PRRG4: variants seen among roughly 807,000 people sequenced by gnomAD.
PRRG4 encodes the protein proline rich and Gla domain 4.
PRRG4 carries 12 observed loss-of-function variants against 20.0 expected under a neutral mutation model. The observed-to-expected ratio is 0.60, with a 90% confidence interval of 0.38 to 0.97. The LOEUF (loss-of-function observed/expected upper bound fraction) is 0.97. PRRG4 is among the 50% of genes least tolerant of loss of function. The pLI is 0.00. For synonymous variants in PRRG4, 94 were observed against 96.4 expected (o/e 0.98, Z 0.15); for missense variants, 199 against 265.1 (o/e 0.75, Z 1.73).
At chr11:32,839,824 T>C (rs565606189) in intron 4 of PRRG4, among the ~76,000 whole-genome samples, 1 of 146,732 alleles carries the variant, frequency 6.8e-6, no homozygotes, top group African/African-American at 2.5e-5. Flanking sequence ...TTAAATATTA[T>C]TAAAATATAA....
intron 2 of PRRG4, among the ~76,000 whole-genome samples, chr11:32,834,362 AAATCTAC>A (rs1272056062): frequency 2.0e-5 from 3 of 152,182 alleles, no homozygotes; most frequent in Non-Finnish European, 4.4e-5. Context: ...TGGTAATATA[AAATCTAC>A]AAGAAGACAA....
Position 32,830,061 on chromosome 11 carries a change from G to C in PRRG4, c.-135G>C. ...CAGACCCTGCGGAGAGCGAGGCCCG[G>C]AGCGTCGCCGAGGTTTGAGGGCGCC... On this transcript the variant is annotated 5_prime_UTR_variant, in exon 1 of 6. Transcript: ENST00000257836. 1.0e-6 allele frequency: 1 copy of C among 987,968 alleles called. No individual in the cohort carries two copies. The highest frequency in any genetic ancestry group is 1.2e-6 in the Non-Finnish European group (1 of 831,748). The allele number at this position is 987,968 out of a possible 1,614,324, so 61.2% of individuals were successfully genotyped here.
At chr11:32,837,519 TGATGATGATGATG>T (rs1851031783) in intron 3 of PRRG4, among the ~76,000 whole-genome samples, 8 of 105,636 alleles carry the variant, frequency 7.6e-5, no homozygotes, top group African/African-American at 3.0e-4. Flanking sequence ...ATGATGATGA[TGATGATGATGATG>T]ATGATGATGA....
At position 32,834,462 on chromosome 11, in the gene PRRG4, A is replaced by G. The variant is rs377363678; in HGVS notation, c.104-2196A>G. 2.6e-5 allele frequency among the ~76,000 whole-genome samples: 4 copies of G among 152,274 alleles called. No homozygotes were observed. The East Asian group carries it at 7.7e-4, about 29-fold the overall frequency. On this transcript the variant is annotated intron_variant, in intron 2 of 5. Transcript: ENST00000257836. ...ATACTTTTTAAAACAACTATCACCA[A>G]TTATCCCATTGTAGCTTCCTGCTTG...
upstream of PRRG4, chr11:32,829,823 C>T: frequency 7.1e-6 from 7 of 985,418 alleles, no homozygotes; most frequent in Non-Finnish European, 8.4e-6. Flanking sequence ...AGCGCGGGCT[C>T]CCGGGAGACG....
rs1851221119 is a variant in PRRG4 at position 32,855,357 on chromosome 11, A to C, written c.*1830A>C. 1 of 144,206 alleles carries C rather than the reference A, an allele frequency of 6.9e-6. No individual in the cohort carries two copies. The highest frequency in any genetic ancestry group is 1.5e-5 in the Non-Finnish European group (1 of 66,634). The allele number at this position is 144,206 out of a possible 1,614,324, so 8.9% of individuals were successfully genotyped here. A position where few individuals can be genotyped will look rare whatever the true frequency, so the allele number is the denominator to read the frequency against. ...GAAATAACATACTCCTGAAAAATAG[A>C]ATAGAAATTTCTGTGCTTTATGTTT... is the stretch of plus-strand genomic sequence containing the variant. On this transcript the variant is annotated 3_prime_UTR_variant, in exon 6 of 6. Coordinates refer to ENST00000257836, the MANE Select transcript of PRRG4 (RefSeq NM_024081.6).
Position 32,856,762 on chromosome 11 carries a change from C to G in PRRG4, c.*3235C>G. On this transcript the variant is annotated 3_prime_UTR_variant, in exon 6 of 6. Transcript: ENST00000257836. ...CATACCTTTGGTAGGACAGACAATT[C>G]CATATAGAATATTCTCTTTTGATAA... 1 of 152,076 alleles carries G rather than the reference C, an allele frequency of 6.6e-6. No individual in the cohort carries two copies. Among genetic ancestry groups the G allele is most frequent in the East Asian group, 1.9e-4 (1 of 5,198 alleles). 9.4% of individuals were successfully genotyped at this position (152,076 alleles called of 1,614,324 possible).
chr11:32,845,801 C>T (rs1851124668), intron 5 of PRRG4, among the ~76,000 whole-genome samples: 1 of 151,968 alleles, frequency 6.6e-6, no homozygotes, highest in East Asian at 1.9e-4. Flanking sequence ...ACAGGTACTA[C>T]CAAGGCTCAT....
At position 32,832,669 on chromosome 11, in the gene PRRG4, G is replaced by C. The variant is rs919205966; in HGVS notation, c.103+2037G>C. Among the ~76,000 whole-genome samples, 3 of 152,004 alleles carry C rather than the reference G, an allele frequency of 2.0e-5. No homozygotes were observed. The East Asian group carries it at 5.8e-4, about 29-fold the overall frequency. On this transcript the variant is annotated intron_variant, in intron 2 of 5. Transcript: ENST00000257836. ...TAATTTATTTTGTATTTTTAGTAGA[G>C]ACGGGGTTTCACCATGTTAGCCAGG... is the stretch of plus-strand genomic sequence containing the variant.
chr11:32,839,812 T>G (rs1291188888), intron 4 of PRRG4, among the ~76,000 whole-genome samples: 1 of 146,718 alleles, frequency 6.8e-6, no homozygotes, highest in Non-Finnish European at 1.5e-5. Context: ...AAATAGTATA[T>G]TTTAAATATT....
In PRRG4 at chr11:32,840,329, TTAAA is replaced by T; in HGVS notation, c.449+94_449+97del. 2.1e-6 allele frequency: 2 copies of T among 966,230 alleles called. No individual in the cohort carries two copies. Among genetic ancestry groups the T allele is most frequent in the Admixed American group, 2.3e-5 (1 of 44,336 alleles). The allele number at this position is 966,230 out of a possible 1,614,324, so 59.9% of individuals were successfully genotyped here. The stretch of plus-strand genomic sequence containing the variant: ...GTCAAGCAAATGGCTGCCTATTTTC[TTAAA>T]TAAGCCTTTTATTTTGGAAGAATTT... On this transcript the variant is annotated intron_variant, in intron 5 of 5. Transcript: ENST00000257836. This position sits in a 1 kb window ranked among gnomAD's most constrained non-coding sequence, Gnocchi z 4.1.
At chr11:32,833,515 C>G (rs528873504) in intron 2 of PRRG4, among the ~76,000 whole-genome samples, 169 of 152,254 alleles carry the variant, frequency 1.1e-3, no homozygotes, top group Admixed American at 2.2e-3. Flanking sequence ...TATACAGAGG[C>G]AGATATCTAA....
At chr11:32,829,874 C>A, upstream of PRRG4, 3 of 985,558 alleles carry the variant, frequency 3.0e-6, no homozygotes, top group Non-Finnish European at 3.6e-6. Flanking sequence ...TAGGCCCGGC[C>A]CCCGGGAGGT....
intron 5 of PRRG4, among the ~76,000 whole-genome samples, chr11:32,850,507 C>T (rs1468792124): frequency 6.6e-6 from 1 of 152,152 alleles, no homozygotes; most frequent in African/African-American, 2.4e-5. Flanking sequence ...ATCTTTATAT[C>T]CATTGTCTCA....
At position 32,855,733 on chromosome 11, in the gene PRRG4, C is replaced by G. The variant is rs560514828; in HGVS notation, c.*2206C>G. On this transcript the variant is annotated 3_prime_UTR_variant, in exon 6 of 6. Transcript: ENST00000257836. ...CTAACTTGCTTTTAAAAGTTACCCA[C>G]GTTGCATATAAAAATCTTGCTATTC... The G allele has an allele frequency of 6.6e-6, 1 of 152,324 alleles. No homozygotes were observed. The highest frequency in any genetic ancestry group is 1.5e-5 in the Non-Finnish European group (1 of 68,028). The allele number at this position is 152,324 out of a possible 1,614,324, so 9.4% of individuals were successfully genotyped here. A position where few individuals can be genotyped will look rare whatever the true frequency, so the allele number is the denominator to read the frequency against.
intron 4 of PRRG4, among the ~76,000 whole-genome samples, 189 bp downstream of exon 4, chr11:32,839,119 A>G (rs1371462760): frequency 3.9e-5 from 6 of 152,218 alleles, no homozygotes; most frequent in Non-Finnish European, 2.9e-5. Context: ...TACACTGAAA[A>G]TCAAGTTTGG....
At chr11:32,850,393 G>A (rs61889500) in intron 5 of PRRG4, among the ~76,000 whole-genome samples, 15,650 of 152,124 alleles carry the variant, frequency 0.1, 854 homozygotes, top group Non-Finnish European at 0.13. Context: ...CATGTCTTCC[G>A]GGTGTGTTAT....
At chr11:32,844,096 C>A (rs1851104846) in intron 5 of PRRG4, among the ~76,000 whole-genome samples, 1 of 152,180 alleles carries the variant, frequency 6.6e-6, no homozygotes, top group Admixed American at 6.5e-5. Context: ...TTCTCCCTAT[C>A]CTAGAAATAG....
chr11:32,840,316 G>A lies in PRRG4; in HGVS notation c.449+77G>A. The A allele has an allele frequency of 4.6e-6, 5 of 1,097,782 alleles. No individual in the cohort carries two copies. The highest frequency in any genetic ancestry group is 6.6e-6 in the Non-Finnish European group (5 of 757,528). 68.0% of individuals were successfully genotyped at this position (1,097,782 alleles called of 1,614,324 possible). A position where few individuals can be genotyped will look rare whatever the true frequency, so the allele number is the denominator to read the frequency against. The stretch of plus-strand genomic sequence containing the variant: ...ATTTTAACAATGGGTCAAGCAAATG[G>A]CTGCCTATTTTCTTAAATAAGCCTT... On this transcript the variant is annotated intron_variant, in intron 5 of 5. Coordinates refer to ENST00000257836, the MANE Select transcript of PRRG4 (RefSeq NM_024081.6). This position sits in a 1 kb window ranked among gnomAD's most constrained non-coding sequence, Gnocchi z 4.1.
Sources: allele counts gnomAD v4.1 joint callset (sites outside exome capture counted in the v4.1 genomes callset), GRCh38; gene constraint gnomAD v4.1.1; non-coding constraint Gnocchi (gnomAD v3.1); transcripts MANE v1.5; gene names NCBI Gene and HGNC (gene_info 2026-07-23, HGNC 2026-07-21).